The following ANKS1A variants were observed in gnomAD, a reference collection of about 807,000 sequenced individuals.
The protein encoded by ANKS1A is ankyrin repeat and SAM domain-containing protein 1A.
Under a neutral mutation model 120.3 loss-of-function variants are expected in ANKS1A, and 55 were observed. The ratio of observed to expected loss-of-function variants is 0.46; its 90% CI spans 0.37 to 0.57. The LOEUF is 0.57. ANKS1A is among the 20% of genes least tolerant of loss of function. The pLI is 0.00. For synonymous variants in ANKS1A, 590 were observed against 604.7 expected, an observed-to-expected ratio of 0.98 and a Z score of 0.36; for missense variants, 1,123 against 1,480.3, an observed-to-expected ratio of 0.76 and a Z score of 3.96.
intron 1 of ANKS1A, among the ~76,000 whole-genome samples, chr6:34,954,636 C>G (rs1190471393): frequency 6.6e-6 from 1 of 152,114 alleles, no homozygotes; most frequent in African/African-American, 2.4e-5. Context: ...TAAATTTTTC[C>G]AAGTCACTGC....
At position 35,090,482 on chromosome 6, in the gene ANKS1A, G is replaced by C; in HGVS notation, c.*1873G>C. ...GTCTTTTGTGCTTAGATCATCCATAGGTGTTTCTTCTGCTTGAAGCTGCTA... is the reference window on the plus strand; with the variant it reads ...GTCTTTTGTGCTTAGATCATCCATACGTGTTTCTTCTGCTTGAAGCTGCTA... On this transcript the variant is annotated 3_prime_UTR_variant, in exon 24 of 24. Transcript: ENST00000360359. The C allele has an allele frequency of 9.0e-7, 1 of 1,115,206 alleles. No individual in the cohort carries two copies. The highest frequency in any genetic ancestry group is 1.1e-6 in the Non-Finnish European group (1 of 903,198). The allele number at this position is 1,115,206 out of a possible 1,614,324, so 69.1% of individuals were successfully genotyped here.
In ANKS1A at chr6:34,982,997, C is replaced by G; in HGVS notation, c.809-116C>G. ...TCTTGAATAGCTGGATTAAATGGCT[C>G]TGGATGAAAAATGTTGGCCATGCTG... On this transcript the variant is annotated intron_variant, in intron 5 of 23. Coordinates refer to ENST00000360359, the MANE Select transcript of ANKS1A (RefSeq NM_015245.3). The surrounding 1 kb of genome is among the most constrained non-coding windows in gnomAD (Gnocchi z 4.9). 2.4e-6 allele frequency: 3 copies of G among 1,266,572 alleles called. No homozygotes were observed. Among genetic ancestry groups the G allele is most frequent in the Non-Finnish European group, 3.4e-6 (3 of 876,614 alleles). The allele number at this position is 1,266,572 out of a possible 1,614,324, so 78.5% of individuals were successfully genotyped here.
intron 1 of ANKS1A, among the ~76,000 whole-genome samples, chr6:34,937,310 AAT>A (rs200525125): frequency 6.0e-5 from 9 of 150,356 alleles, no homozygotes; most frequent in Middle Eastern, 3.4e-3. Flanking sequence ...ATCTTAAAAA[AAT>A]ATATATATAT....
chr6:35,097,251 T>TCGGTGACACACACCTG, the ANKS1A span, among the ~76,000 whole-genome samples: 1 of 152,282 alleles, frequency 6.6e-6, no homozygotes, highest in East Asian at 1.9e-4. Flanking sequence ...AGGGCCAGGT[T>TCGGTGACACACACCTG]TAATCCCAGC....
chr6:34,917,793 G>C (rs1473381123), intron 1 of ANKS1A, among the ~76,000 whole-genome samples: 2 of 152,212 alleles, frequency 1.3e-5, no homozygotes, highest in African/African-American at 2.4e-5. Context: ...GCCCAGCTTA[G>C]GGAATTATAG....
intron 10 of ANKS1A, among the ~76,000 whole-genome samples, chr6:35,014,169 C>T (rs559577650): frequency 6.6e-6 from 1 of 152,168 alleles, no homozygotes; most frequent in Non-Finnish European, 1.5e-5. Context: ...TCTTTTCCCA[C>T]CCATTGATCT....
At chr6:34,945,973 AT>A (rs1044532562) in intron 1 of ANKS1A, among the ~76,000 whole-genome samples, 5 of 142,330 alleles carry the variant, frequency 3.5e-5, no homozygotes, top group African/African-American at 1.3e-4. Flanking sequence ...CTTTATTTTT[AT>A]TTTTATTTAT....
At chr6:34,940,704 T>A (rs1581723230) in intron 1 of ANKS1A, among the ~76,000 whole-genome samples, 1 of 151,780 alleles carries the variant, frequency 6.6e-6, no homozygotes, top group Admixed American at 6.6e-5. Flanking sequence ...AGGTCAGGAG[T>A]TCGAGACCAG....
intron 1 of ANKS1A, among the ~76,000 whole-genome samples, chr6:34,935,126 G>A (rs752112122): frequency 2.0e-5 from 3 of 152,126 alleles, no homozygotes; most frequent in Admixed American, 6.5e-5. Flanking sequence ...TTGATGTGTC[G>A]CTTAGGCTGG....
In ANKS1A at chr6:35,075,616, G is replaced by A. The variant is rs550992530; in HGVS notation, c.2185-2942G>A. ...TATTTAGTAGAGACGGGGTTTCACC[G>A]TGTTGGTCAGGCTGGTCTCGAACTC... On this transcript the variant is annotated intron_variant, in intron 13 of 23. Coordinates refer to ENST00000360359, the MANE Select transcript of ANKS1A (RefSeq NM_015245.3). Among the ~76,000 whole-genome samples, 10 of 152,080 alleles carry A rather than the reference G, an allele frequency of 6.6e-5. No homozygotes were observed. The South Asian group carries it at 1.5e-3, about 22-fold the overall frequency.
intron 1 of ANKS1A, among the ~76,000 whole-genome samples, chr6:34,949,892 TC>T (rs1412703026): frequency 1.3e-5 from 2 of 152,046 alleles, no homozygotes; most frequent in African/African-American, 2.4e-5. Context: ...GCTGAAAAAA[TC>T]AAGGACCACA....
At chr6:35,029,349 C>CTTTTTTTT (rs776256932) in intron 11 of ANKS1A, among the ~76,000 whole-genome samples, 1 of 105,770 alleles carries the variant, frequency 9.5e-6, no homozygotes, top group Admixed American at 1.0e-4. Flanking sequence ...ATGACTTCTG[C>CTTTTTTTT]TTTTTTTTTT....
intron 9 of ANKS1A, among the ~76,000 whole-genome samples, chr6:34,992,601 G>C (rs1479300613): frequency 6.6e-6 from 1 of 152,224 alleles, no homozygotes; most frequent in East Asian, 1.9e-4. Flanking sequence ...TGCCTGTGAT[G>C]CCTGTGGTAT....
chr6:34,904,789 A>ATTTTC lies in ANKS1A; in HGVS notation c.197+15205_197+15209dup, dbSNP rs556858777. Among the ~76,000 whole-genome samples, 4 of 151,922 alleles carry ATTTTC rather than the reference A, an allele frequency of 2.6e-5. No individual in the cohort carries two copies. In the South Asian group the frequency reaches 8.3e-4, roughly 32 times the overall value. ...TTGCTCAAGGTGACATCTGATTCTGATTTTCTTTTCTTTTCTTTTTTTTCT... is the reference window on the plus strand; with the variant it reads ...TTGCTCAAGGTGACATCTGATTCTGATTTTCTTTTCTTTTCTTTTCTTTTTTTTCT... On this transcript the variant is annotated intron_variant, in intron 1 of 23. Coordinates refer to ENST00000360359, the MANE Select transcript of ANKS1A (RefSeq NM_015245.3).
intron 7 of ANKS1A, among the ~76,000 whole-genome samples, chr6:34,983,790 ATT>A (rs11348002): frequency 2.6e-4 from 36 of 136,582 alleles, no homozygotes; most frequent in African/African-American, 3.9e-4. Flanking sequence ...CGAGTAATAA[ATT>A]TTTTTTTTTT....
At chr6:34,925,068 A>C (rs1285520361) in intron 1 of ANKS1A, among the ~76,000 whole-genome samples, 1 of 152,166 alleles carries the variant, frequency 6.6e-6, no homozygotes, top group African/African-American at 2.4e-5. Flanking sequence ...GGGCTTTTCA[A>C]GTGTTCTTAT....
chr6:34,927,609 G>A (rs144499356), intron 1 of ANKS1A, among the ~76,000 whole-genome samples: 101 of 152,260 alleles, frequency 6.6e-4, no homozygotes, highest in African/African-American at 2.4e-3. Flanking sequence ...CCAGGAAGCC[G>A]TTCTGATAGT....
Position 34,901,980 on chromosome 6 carries a change from A to G in ANKS1A, c.197+12381A>G, listed in dbSNP as rs138140215. ...TGGGTCCTATATACCTAACAGTAAT[A>G]GAATAGGCCTATTACTTTTTACCTA... On this transcript the variant is annotated intron_variant, in intron 1 of 23. Transcript: ENST00000360359. 2.8e-4 allele frequency among the ~76,000 whole-genome samples: 43 copies of G among 152,370 alleles called. No homozygotes were observed. In the East Asian group the frequency reaches 7.7e-3, roughly 27 times the overall value.
downstream of ANKS1A, among the ~76,000 whole-genome samples, chr6:35,092,479 T>TAAC (rs1178434554): frequency 2.0e-5 from 3 of 152,234 alleles, no homozygotes; most frequent in Non-Finnish European, 4.4e-5. Flanking sequence ...TCCCAGGTTG[T>TAAC]AACTCCCAAC....
Sources: gnomAD v4.1 joint callset for allele counts (sites outside exome capture counted in the v4.1 genomes callset) on GRCh38, gnomAD v4.1.1 for gene constraint, Gnocchi (gnomAD v3.1) non-coding constraint, MANE v1.5 for transcripts, NCBI Gene and HGNC (gene_info 2026-07-23, HGNC 2026-07-21) for gene names.